Variants in PMPCB observed in about 807,000 individuals in gnomAD.
PMPCB encodes mitochondrial-processing peptidase subunit beta.
In PMPCB, 46 loss-of-function variants were observed where a neutral mutation model predicts 61.5. The observed-to-expected ratio is 0.75, with a 90% CI of 0.59 to 0.96. The LOEUF is 0.96. Among genes scored for constraint, PMPCB ranks in the 40% least tolerant of loss-of-function variants. The pLI is 0.00. For missense variants in PMPCB, 590 were observed against 602.4 expected (o/e 0.98, Z 0.22); for synonymous variants, 191 against 201.6 (o/e 0.95, Z 0.44).
chr7:103,304,289 C>G, intron 5 of PMPCB, 122 bp from the exon 6 acceptor site: 2 of 693,736 alleles, frequency 2.9e-6, no homozygotes, highest in South Asian at 3.3e-5. Flanking sequence ...GATGTGTTGC[C>G]TGTATCCTAT....
At chr7:103,333,668 C>A, downstream of PMPCB, among the ~76,000 whole-genome samples, 1 of 152,200 alleles carries the variant, frequency 6.6e-6, no homozygotes, top group East Asian at 1.9e-4. Flanking sequence ...GGGCTCCCAT[C>A]CTCTACCAGC....
chr7:103,311,830 T>C lies in PMPCB; in HGVS notation c.1263T>C (p.Asp421=), dbSNP rs1354688440. 6.2e-7 allele frequency: 1 copy of C among 1,612,790 alleles called. No individual in the cohort carries two copies. Among genetic ancestry groups the C allele is most frequent in the Admixed American group, 1.7e-5 (1 of 59,938 alleles). Residue 421 remains aspartate, a synonymous_variant, in exon 11 of 13, where the codon GAT becomes GAC. Coordinates refer to ENST00000249269, the MANE Select transcript of PMPCB (RefSeq NM_004279.3). ...QLDGSTPICE[D]IGRQMLCYNR... is the part of the protein sequence containing the mutation. ...CAGGTTCAACTCCAATTTGTGAAGA[T>C]ATTGGTAGGCAAATGTTATGCTATA...
Position 103,311,838 on chromosome 7 carries a change from G to T in PMPCB, c.1271G>T (p.Arg424Met). Residue 424 changes from arginine to methionine, a missense_variant, in exon 11 of 13, where the codon AGG becomes ATG. Coordinates refer to ENST00000249269, the MANE Select transcript of PMPCB (RefSeq NM_004279.3). Reference protein sequence around the residue: ...GSTPICEDIGRQMLCYNRRIP... With the variant: ...GSTPICEDIGMQMLCYNRRIP... ...ACTCCAATTTGTGAAGATATTGGTA[G>T]GCAAATGTTATGCTATAATAGAAGG... 6.2e-7 allele frequency: 1 copy of T among 1,613,304 alleles called. No individual in the cohort carries two copies. Among genetic ancestry groups the T allele is most frequent in the Non-Finnish European group, 8.5e-7 (1 of 1,179,444 alleles).
Position 103,313,998 on chromosome 7 carries a change from C to T in PMPCB, c.*1727C>T. 1.0e-6 allele frequency: 1 copy of T among 985,278 alleles called. No individual in the cohort carries two copies. Among genetic ancestry groups the T allele is most frequent in the Non-Finnish European group, 1.2e-6 (1 of 829,898 alleles). 61.0% of individuals were successfully genotyped at this position (985,278 alleles called of 1,614,324 possible). Reference sequence around the variant, plus strand: ...TCTGTTAAAAGTTAAGCCTAGAAACCAAAGTTCCTTCCCAATTAAAGAAGG... The same window carrying T: ...TCTGTTAAAAGTTAAGCCTAGAAACTAAAGTTCCTTCCCAATTAAAGAAGG... On this transcript the variant is annotated 3_prime_UTR_variant, in exon 13 of 13. Transcript: ENST00000249269.
downstream of PMPCB, among the ~76,000 whole-genome samples, chr7:103,332,198 G>A (rs1276605411): frequency 3.9e-5 from 6 of 151,960 alleles, no homozygotes; most frequent in African/African-American, 1.2e-4. Flanking sequence ...GTAGAGACGG[G>A]GTTTCACCGT....
intron 12 of PMPCB, chr7:103,323,706 G>A (rs1563463090): frequency 7.7e-7 from 1 of 1,290,836 alleles, no homozygotes; most frequent in Admixed American, 3.4e-5. Context: ...CAGAATAAAT[G>A]AAAAAAAATT....
chr7:103,313,664 C>A lies in PMPCB; in HGVS notation c.*1393C>A, dbSNP rs367829063. The stretch of plus-strand genomic sequence containing the variant: ...TTGTGTTGTAGTGTGGTGTTCTCTT[C>A]GTCACATCTGCTAAAATCTTGGGAG... On this transcript the variant is annotated 3_prime_UTR_variant, in exon 13 of 13. Transcript: ENST00000249269. 11 of 985,412 alleles carry A rather than the reference C, an allele frequency of 1.1e-5. No individual in the cohort carries two copies. The highest frequency in any genetic ancestry group is 1.3e-5 in the Non-Finnish European group (11 of 829,922). 61.0% of individuals were successfully genotyped at this position (985,412 alleles called of 1,614,324 possible). A position where few individuals can be genotyped will look rare whatever the true frequency, so the allele number is the denominator to read the frequency against.
At chr7:103,341,475 C>T in the PMPCB span, among the ~76,000 whole-genome samples, 1 of 152,196 alleles carries the variant, frequency 6.6e-6, no homozygotes, top group Non-Finnish European at 1.5e-5. Context: ...ATATCTTACT[C>T]CTTCTGCCCA....
At chr7:103,344,704 C>T in the PMPCB span, 1 of 1,447,736 alleles carries the variant, frequency 6.9e-7, no homozygotes, top group Non-Finnish European at 9.6e-7. Flanking sequence ...AGCTCTACCT[C>T]TCACTCCGAG....
chr7:103,308,919 T>C, intron 7 of PMPCB, 33 bp from the exon 8 acceptor site: 1 of 1,512,898 alleles, frequency 6.6e-7, no homozygotes, highest in East Asian at 2.4e-5. Context: ...ATGTTAATCT[T>C]AACTAGAGGT....
chr7:103,322,928 CAAT>C, intron 12 of PMPCB: 3 of 758,714 alleles, frequency 4.0e-6, no homozygotes, highest in Non-Finnish European at 2.1e-6. Flanking sequence ...TAACATTAAA[CAAT>C]GATTTTTTTT....
chr7:103,345,627 AT>A, the PMPCB span, among the ~76,000 whole-genome samples: 2 of 148,980 alleles, frequency 1.3e-5, no homozygotes, highest in African/African-American at 2.5e-5. Flanking sequence ...ATATATGTAT[AT>A]TTTTTTTTGT....
At chr7:103,330,927 A>G (rs1412319589), downstream of PMPCB, among the ~76,000 whole-genome samples, 1 of 151,324 alleles carries the variant, frequency 6.6e-6, no homozygotes, top group Non-Finnish European at 1.5e-5. Context: ...TATGGGGTGC[A>G]TGTGATTATT....
intron 12 of PMPCB, among the ~76,000 whole-genome samples, chr7:103,323,341 A>G (rs970835314): frequency 6.6e-6 from 1 of 152,252 alleles, no homozygotes; most frequent in Admixed American, 6.5e-5. Flanking sequence ...TTAAGCAACC[A>G]GAAGAAAAAG....
At chr7:103,326,471 G>T in intron 12 of PMPCB, 1 of 1,451,676 alleles carries the variant, frequency 6.9e-7, no homozygotes, top group Non-Finnish European at 9.6e-7. Context: ...CAGAGGGAAA[G>T]AGCAGAAACC....
At chr7:103,301,026 GT>G (rs1244724015) in intron 4 of PMPCB, among the ~76,000 whole-genome samples, 1 of 152,180 alleles carries the variant, frequency 6.6e-6, no homozygotes, top group Non-Finnish European at 1.5e-5. Context: ...TGTAGTTGTA[GT>G]TACTACTTTG....
chr7:103,309,259 GAA>G, intron 8 of PMPCB, 164 bp downstream of exon 8: 1 of 538,940 alleles, frequency 1.9e-6, no homozygotes, highest in South Asian at 5.9e-5. Flanking sequence ...ATGTGGGCCA[GAA>G]AAAGTTTCTT....
At chr7:103,298,244 T>C (rs1817347656) in intron 1 of PMPCB, among the ~76,000 whole-genome samples, 1 of 152,082 alleles carries the variant, frequency 6.6e-6, no homozygotes, top group South Asian at 2.1e-4. Context: ...TTTTTTTTTT[T>C]CCTGCTTGTT....
downstream of PMPCB, chr7:103,316,862 AGCTT>A (rs1451565934): frequency 1.2e-6 from 2 of 1,613,886 alleles, no homozygotes; most frequent in African/African-American, 2.7e-5. Flanking sequence ...ACAGATTCAC[AGCTT>A]TAATTAGTAA....
Sources: gnomAD v4.1 joint callset for allele counts (sites outside exome capture counted in the v4.1 genomes callset) on GRCh38, gnomAD v4.1.1 for gene constraint, MANE v1.5 for transcripts, NCBI Gene and HGNC (gene_info 2026-07-23, HGNC 2026-07-21) for gene names.